PTPRD: variants seen among roughly 807,000 people sequenced by gnomAD.
PTPRD encodes receptor-type tyrosine-protein phosphatase delta.
In PTPRD, 34 loss-of-function variants were observed where a neutral mutation model predicts 214.5. That is an observed-to-expected ratio of 0.16 (90% CI 0.12 to 0.21). PTPRD has a LOEUF of 0.21. PTPRD is among the 10% of genes least tolerant of loss of function. The probability of loss-of-function intolerance (pLI) is 1.00; values close to 1 mark genes in which losing one functional copy is unlikely to be tolerated. For synonymous variants in PTPRD, 1,128 were observed against 845.7 expected (o/e 1.33, Z -5.79); for missense variants, 2,545 against 2,398.7 (o/e 1.06, Z -1.27).
chr9:8,936,488 C>G (rs943878808), intron 11 of PTPRD, among the ~76,000 whole-genome samples: 7 of 133,816 alleles, frequency 5.2e-5, no homozygotes, highest in Non-Finnish European at 1.2e-4. Flanking sequence ...TTTGAGCTAC[C>G]CAATCCTTAT....
intron 11 of PTPRD, among the ~76,000 whole-genome samples, chr9:8,964,262 A>C (rs2099177138): frequency 8.7e-6 from 1 of 114,660 alleles, no homozygotes; most frequent in Non-Finnish European, 1.7e-5. Flanking sequence ...TCAGTGTTTC[A>C]AATTCTTCCT....
chr9:10,170,931 C>T lies in PTPRD; in HGVS notation c.-544-137141G>A, dbSNP rs1392435180. 2.0e-5 allele frequency among the ~76,000 whole-genome samples: 3 copies of T among 152,106 alleles called. No homozygotes were observed. The East Asian group carries it at 5.8e-4, about 29-fold the overall frequency. ...AAGAACACACCCTCATTACTCTTCT[C>T]CACCCGGTATAATTTTCACCAAGTC... is the stretch of plus-strand genomic sequence containing the variant. On this transcript the variant is annotated intron_variant, in intron 3 of 45. Coordinates refer to ENST00000381196, the MANE Select transcript of PTPRD (RefSeq NM_002839.4).
At chr9:9,828,473 G>A (rs1258496631) in intron 5 of PTPRD, among the ~76,000 whole-genome samples, 1 of 152,092 alleles carries the variant, frequency 6.6e-6, no homozygotes, top group Non-Finnish European at 1.5e-5. Context: ...GACACAGGAA[G>A]GGGAACATCA....
Position 10,491,525 on chromosome 9 carries a change from A to C in PTPRD, c.-600+120873T>G, listed in dbSNP as rs73394304. 5.9e-3 allele frequency among the ~76,000 whole-genome samples: 898 copies of C among 152,080 alleles called. 6 individuals are homozygous for C. The highest frequency in any genetic ancestry group is 0.021 in the African/African-American group (865 of 41,454). Reference sequence around the variant, plus strand: ...TACATCATTTTTATTGCATGCCTACAAGATGAACAAAAAAAACCCATTGAA... The same window carrying C: ...TACATCATTTTTATTGCATGCCTACCAGATGAACAAAAAAAACCCATTGAA... On this transcript the variant is annotated intron_variant, in intron 2 of 45. Coordinates refer to ENST00000381196, the MANE Select transcript of PTPRD (RefSeq NM_002839.4).
chr9:9,093,209 G>A (rs1218658241), intron 10 of PTPRD, among the ~76,000 whole-genome samples: 1 of 151,942 alleles, frequency 6.6e-6, no homozygotes. Flanking sequence ...ACTAAAAGGA[G>A]AATTAAGCAA....
intron 12 of PTPRD, among the ~76,000 whole-genome samples, chr9:8,645,649 GAGA>G (rs1398662912): frequency 6.6e-6 from 1 of 152,056 alleles, no homozygotes; most frequent in African/African-American, 2.4e-5. Context: ...GAAAAGGAGA[GAGA>G]AGAAGAAAGG....
chr9:10,300,140 A>C (rs530651894), intron 3 of PTPRD, among the ~76,000 whole-genome samples: 1 of 152,314 alleles, frequency 6.6e-6, no homozygotes, highest in South Asian at 2.1e-4. Context: ...GATAAACATA[A>C]GTAGTAAGAA....
intron 35 of PTPRD, among the ~76,000 whole-genome samples, chr9:8,431,322 A>T (rs977778026): frequency 6.6e-6 from 1 of 152,212 alleles, no homozygotes; most frequent in Admixed American, 6.5e-5. Context: ...TAAGGGGAAG[A>T]ATAAAGCCAC....
chr9:8,518,543 T>G (rs779625996), intron 20 of PTPRD, 114 bp from the exon 21 acceptor site: 2 of 747,630 alleles, frequency 2.7e-6, no homozygotes, highest in Non-Finnish European at 4.1e-6. Context: ...AAGATTTAAT[T>G]AAATGAAATT....
At chr9:9,813,294 G>T (rs940303305) in intron 5 of PTPRD, among the ~76,000 whole-genome samples, 2 of 151,824 alleles carry the variant, frequency 1.3e-5, no homozygotes, top group Non-Finnish European at 2.9e-5. Context: ...AAATAATGAA[G>T]ATTAGAGCAT....
intron 7 of PTPRD, among the ~76,000 whole-genome samples, chr9:9,678,721 G>C (rs955340745): frequency 2.6e-5 from 4 of 151,708 alleles, no homozygotes; most frequent in South Asian, 4.2e-4. Context: ...AAAAAAAATA[G>C]CTCTCAGCAT....
At chr9:9,833,758 T>C (rs1022232791) in intron 5 of PTPRD, among the ~76,000 whole-genome samples, 24 of 151,708 alleles carry the variant, frequency 1.6e-4, no homozygotes, top group African/African-American at 5.8e-4. Flanking sequence ...GAAAAAGAAT[T>C]CAGCAATATT....
At chr9:8,790,480 C>T (rs535638448) in intron 11 of PTPRD, among the ~76,000 whole-genome samples, 42 of 151,920 alleles carry the variant, frequency 2.8e-4, no homozygotes, top group African/African-American at 9.7e-4. Context: ...TGCAGTGGTG[C>T]GATCTTGGCT....
chr9:10,163,021 C>A (rs1592837821), intron 3 of PTPRD, among the ~76,000 whole-genome samples: 1 of 150,710 alleles, frequency 6.6e-6, no homozygotes, highest in East Asian at 1.9e-4. Context: ...ATGTCTATCT[C>A]TCTATATAGA....
chr9:9,766,158 T>C (rs764806680), intron 6 of PTPRD, among the ~76,000 whole-genome samples: 1 of 152,208 alleles, frequency 6.6e-6, no homozygotes, highest in South Asian at 2.1e-4. Flanking sequence ...ATTCATCTTA[T>C]ACATTTTCTT....
At chr9:9,071,525 C>T (rs139996687) in intron 10 of PTPRD, among the ~76,000 whole-genome samples, 2 of 152,276 alleles carry the variant, frequency 1.3e-5, no homozygotes, top group East Asian at 3.9e-4. Context: ...TTGCAGGGAA[C>T]TGTGAGTAGC....
intron 9 of PTPRD, among the ~76,000 whole-genome samples, chr9:9,392,660 G>A (rs183729481): frequency 1.6e-3 from 248 of 152,108 alleles, no homozygotes; most frequent in Non-Finnish European, 3.0e-3. Context: ...CTGAATTTTC[G>A]AACTTTGAAC....
At chr9:9,897,037 T>C (rs999364027) in intron 5 of PTPRD, among the ~76,000 whole-genome samples, 1 of 151,968 alleles carries the variant, frequency 6.6e-6, no homozygotes, top group Non-Finnish European at 1.5e-5. Context: ...ATGTTTCCCT[T>C]TGGGATTTGC....
intron 9 of PTPRD, among the ~76,000 whole-genome samples, chr9:9,215,113 C>G (rs544818777): frequency 7.2e-4 from 110 of 152,256 alleles, no homozygotes; most frequent in South Asian, 3.7e-3. Flanking sequence ...TGTGTGTTAA[C>G]AAGTTCAAAC....
Sources: allele counts gnomAD v4.1 joint callset (sites outside exome capture counted in the v4.1 genomes callset), GRCh38; gene constraint gnomAD v4.1.1; transcripts MANE v1.5; gene names NCBI Gene and HGNC (gene_info 2026-07-23, HGNC 2026-07-21).